The following MBNL1 variants were observed in gnomAD, a reference collection of about 807,000 sequenced individuals.
The protein encoded by MBNL1 is muscleblind like splicing regulator 1, also known as muscleblind-like protein 1.
MBNL1 carries 8 observed loss-of-function variants against 42.2 expected under a neutral mutation model. That is an observed-to-expected ratio of 0.19 (90% confidence interval 0.11 to 0.34). MBNL1 has a LOEUF of 0.34. MBNL1 is among the 10% of genes least tolerant of loss of function. The pLI, the probability that MBNL1 is intolerant of heterozygous loss-of-function variation, is 1.00. For synonymous variants in MBNL1, 169 were observed against 173.9 expected (o/e 0.97, Z 0.22); for missense variants, 309 against 495.3 (o/e 0.62, Z 3.57).
At chr3:152,299,350 A>G (rs151166177) in intron 1 of MBNL1, 55 bp from the exon 2 acceptor site, 2 of 200,968 alleles carry the variant, frequency 1.0e-5, no homozygotes, top group African/African-American at 4.6e-5. Context: ...GTGATACTGT[A>G]GGACATCAGT....
intron 2 of MBNL1, among the ~76,000 whole-genome samples, chr3:152,358,308 C>T (rs918639460): frequency 1.3e-5 from 2 of 152,014 alleles, no homozygotes; most frequent in African/African-American, 2.4e-5. Context: ...AGGTACTTCT[C>T]ATTTTTATTC....
At chr3:152,295,692 G>C (rs190806724) in intron 1 of MBNL1, among the ~76,000 whole-genome samples, 13 of 152,296 alleles carry the variant, frequency 8.5e-5, no homozygotes, top group Admixed American at 3.3e-4. Context: ...AGTTGACCCA[G>C]TCCTATAGAG....
intron 2 of MBNL1, among the ~76,000 whole-genome samples, chr3:152,355,082 A>G (rs1325025576): frequency 1.3e-5 from 2 of 152,118 alleles, no homozygotes; most frequent in Non-Finnish European, 1.5e-5. Flanking sequence ...TTTATGCTCA[A>G]TACATTGAGT....
intron 2 of MBNL1, among the ~76,000 whole-genome samples, chr3:152,384,035 A>G (rs1025567993): frequency 1.3e-5 from 2 of 152,146 alleles, no homozygotes; most frequent in Non-Finnish European, 2.9e-5. Flanking sequence ...TATTTGGGTA[A>G]TGAAGTAACA....
At chr3:152,398,191 T>A (rs973864520) in intron 2 of MBNL1, among the ~76,000 whole-genome samples, 1 of 152,202 alleles carries the variant, frequency 6.6e-6, no homozygotes, top group Non-Finnish European at 1.5e-5. Context: ...TAGTTGCATG[T>A]AGAGACTGGG....
chr3:152,434,083 T>C (rs1051437473), intron 4 of MBNL1, among the ~76,000 whole-genome samples: 2 of 152,190 alleles, frequency 1.3e-5, no homozygotes, highest in African/African-American at 4.8e-5. Context: ...CAGGAGTACA[T>C]GTGCAGGTTT....
intron 2 of MBNL1, among the ~76,000 whole-genome samples, chr3:152,353,911 T>C (rs1022638712): frequency 6.6e-6 from 1 of 152,174 alleles, no homozygotes; most frequent in Non-Finnish European, 1.5e-5. Flanking sequence ...TTTTATCTTC[T>C]TTTTGGTGAG....
intron 5 of MBNL1, among the ~76,000 whole-genome samples, chr3:152,447,151 T>C (rs1395183072): frequency 1.3e-5 from 2 of 152,212 alleles, no homozygotes; most frequent in Non-Finnish European, 2.9e-5. Flanking sequence ...ACTTGCATGC[T>C]CTGGGACATT....
intron 3 of MBNL1, among the ~76,000 whole-genome samples, chr3:152,424,226 C>T (rs573387547): frequency 6.6e-6 from 1 of 152,320 alleles, no homozygotes; most frequent in East Asian, 1.9e-4. Flanking sequence ...CTTCAGCAGT[C>T]TCAGGATACA....
Position 152,409,148 on chromosome 3 carries a change from A to G in MBNL1, c.175-5793A>G, listed in dbSNP as rs2098508226. Among the ~76,000 whole-genome samples, 3 of 152,232 alleles carry G rather than the reference A, an allele frequency of 2.0e-5. No homozygotes were observed. The South Asian group carries it at 6.2e-4, about 31-fold the overall frequency. ...AAACTCATATCTACCAAATGAAAAC[A>G]TAACCCTGAAGTATATATGTGTGCA... is the stretch of plus-strand genomic sequence containing the variant. On this transcript the variant is annotated intron_variant, in intron 2 of 9. Coordinates refer to ENST00000324210, the MANE Select transcript of MBNL1 (RefSeq NM_021038.5).
intron 1 of MBNL1, among the ~76,000 whole-genome samples, chr3:152,272,039 TTCTCTCTC>T (rs139763690): frequency 3.4e-4 from 50 of 147,794 alleles, no homozygotes; most frequent in Non-Finnish European, 4.5e-4. Flanking sequence ...CCTGTTTCTT[TTCTCTCTC>T]TCTCTCTCTC....
intron 2 of MBNL1, among the ~76,000 whole-genome samples, chr3:152,380,501 G>A (rs1291361480): frequency 6.6e-6 from 1 of 152,062 alleles, no homozygotes; most frequent in African/African-American, 2.4e-5. Context: ...ATTACTAGAT[G>A]TAAGCCCCTA....
At chr3:152,362,806 C>G (rs2096073250) in intron 2 of MBNL1, among the ~76,000 whole-genome samples, 2 of 152,146 alleles carry the variant, frequency 1.3e-5, no homozygotes, top group Admixed American at 1.3e-4. Flanking sequence ...GTTCACTTAA[C>G]CTTTCCATGG....
In MBNL1 at chr3:152,340,450, A is replaced by G. The variant is rs2092851991; in HGVS notation, c.174+40083A>G. ...CCAAGTTCAGTTCCATTTTTTTTTT[A>G]AGTAAAATATCAGACTATGTGAATT... On this transcript the variant is annotated intron_variant, in intron 2 of 9. Transcript: ENST00000324210. 2.1e-5 allele frequency: 31 copies of G among 1,479,838 alleles called. No individual in the cohort carries two copies. The South Asian group carries it at 4.1e-4, about 19-fold the overall frequency. 91.7% of individuals were successfully genotyped at this position (1,479,838 alleles called of 1,614,324 possible).
At chr3:152,400,144 A>T (rs1287365656) in intron 2 of MBNL1, among the ~76,000 whole-genome samples, 1 of 152,202 alleles carries the variant, frequency 6.6e-6, no homozygotes, top group Admixed American at 6.5e-5. Flanking sequence ...GCTACATATT[A>T]TTGTGAGAGT....
At chr3:152,379,671 A>G (rs1374918550) in intron 2 of MBNL1, among the ~76,000 whole-genome samples, 2 of 152,290 alleles carry the variant, frequency 1.3e-5, no homozygotes, top group Non-Finnish European at 1.5e-5. Flanking sequence ...AATGACATCT[A>G]CATTTAATAA....
At position 152,442,345 on chromosome 3, in the gene MBNL1, C is replaced by T. The variant is rs1189682662; in HGVS notation, c.550-2937C>T. Among the ~76,000 whole-genome samples the T allele has an allele frequency of 3.3e-5, 5 of 152,230 alleles. No individual in the cohort carries two copies. In the East Asian group the frequency reaches 9.6e-4, roughly 29 times the overall value. On this transcript the variant is annotated intron_variant, in intron 4 of 9. Coordinates refer to ENST00000324210, the MANE Select transcript of MBNL1 (RefSeq NM_021038.5). ...AAATTATTTAGCAAAATGAGAAATG[C>T]TTATGCTGCATTGTTGAGCATAAAA...
chr3:152,310,784 G>A (rs2065904930), intron 2 of MBNL1, among the ~76,000 whole-genome samples: 1 of 151,978 alleles, frequency 6.6e-6, no homozygotes, highest in African/African-American at 2.4e-5. Context: ...CCGCAGACAG[G>A]ATGAACAGTA....
At chr3:152,353,490 T>C (rs892511426) in intron 2 of MBNL1, among the ~76,000 whole-genome samples, 1 of 152,114 alleles carries the variant, frequency 6.6e-6, no homozygotes, top group Non-Finnish European at 1.5e-5. Context: ...TGTCTCCTTT[T>C]TTGTGTTTCT....
Sources: gnomAD v4.1 joint callset for allele counts (sites outside exome capture counted in the v4.1 genomes callset) on GRCh38, gnomAD v4.1.1 for gene constraint, MANE v1.5 for transcripts, NCBI Gene and HGNC (gene_info 2026-07-23, HGNC 2026-07-21) for gene names.